The following SLC35F3 variants were observed in gnomAD, a reference collection of about 807,000 sequenced individuals.
SLC35F3 encodes solute carrier family 35 member F3, also known as putative thiamine transporter SLC35F3.
In SLC35F3, 25 loss-of-function variants were observed where a neutral mutation model predicts 49.9. That is an observed-to-expected ratio of 0.50 (90% CI 0.37 to 0.70). The LOEUF (loss-of-function observed/expected upper bound fraction) is 0.70, where lower values mean the gene tolerates loss of function less well. SLC35F3 is among the 30% of genes least tolerant of loss of function. The pLI is 0.00. For missense variants in SLC35F3, 525 were observed against 639.8 expected, an observed-to-expected ratio of 0.82 and a Z score of 1.94; for synonymous variants, 275 against 265.4, an observed-to-expected ratio of 1.04 and a Z score of -0.35.
intron 2 of SLC35F3, among the ~76,000 whole-genome samples, chr1:234,150,309 C>T (rs1666058048): frequency 1.3e-5 from 2 of 151,116 alleles, no homozygotes; most frequent in Admixed American, 6.6e-5. Flanking sequence ...ATTTGGTGAC[C>T]CAAATTGTGA....
At chr1:234,111,393 G>A (rs1665403817) in intron 2 of SLC35F3, among the ~76,000 whole-genome samples, 1 of 152,154 alleles carries the variant, frequency 6.6e-6, no homozygotes, top group African/African-American at 2.4e-5. Context: ...CCAGGTCCAA[G>A]CGATTCTCCT....
chr1:234,256,615 T>A (rs926815627), intron 3 of SLC35F3, among the ~76,000 whole-genome samples: 30 of 152,228 alleles, frequency 2.0e-4, no homozygotes, highest in Non-Finnish European at 3.7e-4. Context: ...AGTCTATGAA[T>A]GATGTGCATG....
At chr1:234,155,986 G>C (rs1666145885) in intron 2 of SLC35F3, among the ~76,000 whole-genome samples, 1 of 151,798 alleles carries the variant, frequency 6.6e-6, no homozygotes, top group Non-Finnish European at 1.5e-5. Context: ...ACTTCTATTT[G>C]GTGAGGAATA....
intron 2 of SLC35F3, among the ~76,000 whole-genome samples, chr1:233,953,777 CAT>C (rs1323633053): frequency 6.6e-6 from 1 of 152,034 alleles, no homozygotes; most frequent in Non-Finnish European, 1.5e-5. Context: ...GGAACAATGA[CAT>C]AGAATGGGAG....
At chr1:234,227,362 C>T (rs1030031428) in intron 2 of SLC35F3, among the ~76,000 whole-genome samples, 4 of 148,336 alleles carry the variant, frequency 2.7e-5, no homozygotes, top group East Asian at 2.0e-4. Flanking sequence ...ATTTTGGCAT[C>T]GATTTCCTTG....
chr1:234,057,191 T>C (rs553321458), intron 2 of SLC35F3, among the ~76,000 whole-genome samples: 1 of 152,364 alleles, frequency 6.6e-6, no homozygotes, highest in Non-Finnish European at 1.5e-5. Context: ...TTGATTTCTA[T>C]AAAAACATCA....
At chr1:234,098,119 G>C (rs1665153620) in intron 2 of SLC35F3, among the ~76,000 whole-genome samples, 1 of 146,782 alleles carries the variant, frequency 6.8e-6, no homozygotes, top group African/African-American at 2.6e-5. Flanking sequence ...GTTAGTGGTG[G>C]TGGTGGTGGC....
intron 2 of SLC35F3, among the ~76,000 whole-genome samples, chr1:234,143,294 T>TG (rs1238187942): frequency 1.4e-5 from 2 of 139,396 alleles, no homozygotes; most frequent in East Asian, 3.9e-4. Context: ...TTTTCTTTTT[T>TG]TTTTTTTTTT....
intron 3 of SLC35F3, among the ~76,000 whole-genome samples, chr1:234,277,593 A>C (rs891493058): frequency 1.3e-5 from 2 of 152,206 alleles, no homozygotes; most frequent in African/African-American, 4.8e-5. Context: ...GTTCTAGCCC[A>C]AAGTCTTATG....
intron 2 of SLC35F3, among the ~76,000 whole-genome samples, chr1:234,068,823 T>TTATATATATATATATATATATATA (rs10645395): frequency 1.4e-5 from 1 of 71,154 alleles, no homozygotes; most frequent in Non-Finnish European, 2.5e-5. Flanking sequence ...ATTTGAGACA[T>TTATATATATATATATATATATATA]TATATATATA....
chr1:234,194,136 T>TCAA (rs1558256174), intron 2 of SLC35F3, among the ~76,000 whole-genome samples: 3 of 151,904 alleles, frequency 2.0e-5, no homozygotes, highest in Non-Finnish European at 4.4e-5. Context: ...AAGTCATTAT[T>TCAA]AAAAAAAGAT....
chr1:233,936,137 C>G (rs1349152719), intron 2 of SLC35F3, among the ~76,000 whole-genome samples: 1 of 152,102 alleles, frequency 6.6e-6, no homozygotes, highest in Non-Finnish European at 1.5e-5. Flanking sequence ...GTAAAAAGAC[C>G]AGAGAAGAAG....
At chr1:234,259,238 A>C (rs1174734062) in intron 3 of SLC35F3, among the ~76,000 whole-genome samples, 1 of 152,352 alleles carries the variant, frequency 6.6e-6, no homozygotes, top group East Asian at 1.9e-4. Context: ...TCACTTTAAA[A>C]GACCTTCTAT....
intron 3 of SLC35F3, among the ~76,000 whole-genome samples, chr1:234,307,853 C>T (rs1441120138): frequency 6.6e-6 from 1 of 152,154 alleles, no homozygotes; most frequent in Non-Finnish European, 1.5e-5. Context: ...GGGCCCAACC[C>T]AGCAATGATC....
rs1050655845 is a variant in SLC35F3, at chr1:234,299,653, A to G, written c.609-9448A>G. On this transcript the variant is annotated intron_variant, in intron 3 of 7. Coordinates refer to ENST00000366618, the MANE Select transcript of SLC35F3 (RefSeq NM_173508.4). ...ACCCCATCTCTACTAAAAATACAAA[A>G]AATTAGCCAGGCATGGTGGCAGGCG... Among the ~76,000 whole-genome samples the G allele has an allele frequency of 3.9e-5, 6 of 151,902 alleles. No individual in the cohort carries two copies. In the South Asian group the frequency reaches 6.2e-4, roughly 16 times the overall value.
chr1:234,072,763 A>C (rs1315594078), intron 2 of SLC35F3, among the ~76,000 whole-genome samples: 9 of 152,206 alleles, frequency 5.9e-5, no homozygotes, highest in Admixed American at 5.9e-4. Flanking sequence ...CCTATGAGTC[A>C]GCAAAGAGTG....
At chr1:234,003,690 G>A (rs1663586354) in intron 2 of SLC35F3, among the ~76,000 whole-genome samples, 1 of 152,056 alleles carries the variant, frequency 6.6e-6, no homozygotes, top group Non-Finnish European at 1.5e-5. Context: ...GATTACAAAG[G>A]ACAGCATGAA....
intron 2 of SLC35F3, among the ~76,000 whole-genome samples, chr1:234,229,172 C>G (rs1381440421): frequency 6.6e-6 from 1 of 152,224 alleles, no homozygotes. Context: ...ATTCCTACAG[C>G]AAAGGAACCT....
chr1:234,241,465 G>A (rs184880913), intron 3 of SLC35F3, among the ~76,000 whole-genome samples: 49 of 152,232 alleles, frequency 3.2e-4, no homozygotes, highest in African/African-American at 1.1e-3. Flanking sequence ...GGACAGCCGC[G>A]GTGGCTCACT....
Sources: gnomAD v4.1 joint callset for allele counts (sites outside exome capture counted in the v4.1 genomes callset) on GRCh38, gnomAD v4.1.1 for gene constraint, MANE v1.5 for transcripts, NCBI Gene and HGNC (gene_info 2026-07-23, HGNC 2026-07-21) for gene names.